The following RARB variants were observed in gnomAD, a reference collection of about 807,000 sequenced individuals.
RARB encodes retinoic acid receptor beta, also known as HBV-activated protein.
In RARB, 17 loss-of-function variants were observed where a neutral mutation model predicts 51.9. The ratio of observed to expected loss-of-function variants is 0.33; its 90% CI spans 0.22 to 0.49. RARB has a LOEUF of 0.49. Among genes scored for constraint, RARB ranks in the 20% least tolerant of loss-of-function variants. RARB has a pLI of 0.99. For missense variants in RARB, 369 were observed against 550.8 expected (o/e 0.67, Z 3.30); for synonymous variants, 215 against 195.4 (o/e 1.10, Z -0.84).
At chr3:24,844,607 C>T (rs186552797) in intron 1 of RARB, among the ~76,000 whole-genome samples, 1 of 152,304 alleles carries the variant, frequency 6.6e-6, no homozygotes, top group East Asian at 1.9e-4. Flanking sequence ...AACAAAACTG[C>T]AGGCCCTTGA....
At chr3:24,953,034 T>TG (rs1695932288) in intron 2 of RARB, among the ~76,000 whole-genome samples, 1 of 152,162 alleles carries the variant, frequency 6.6e-6, no homozygotes, top group Non-Finnish European at 1.5e-5. Context: ...ACCCTTTGCT[T>TG]GTTTAGTATT....
At chr3:25,093,732 A>G (rs4256093) in intron 3 of RARB, among the ~76,000 whole-genome samples, 3,249 of 152,072 alleles carry the variant, frequency 0.021, 145 homozygotes, top group Admixed American at 0.11. Flanking sequence ...CATGATGACC[A>G]TAGCTCCACC....
intron 5 of RARB, among the ~76,000 whole-genome samples, chr3:25,292,037 C>T: frequency 6.8e-6 from 1 of 147,604 alleles, no homozygotes; most frequent in African/African-American, 2.4e-5. Context: ...GGTAGTGAGT[C>T]TTCCTCCCAC....
chr3:25,401,644 T>A (rs1332702862), intron 5 of RARB, among the ~76,000 whole-genome samples: 1 of 152,238 alleles, frequency 6.6e-6, no homozygotes, highest in Non-Finnish European at 1.5e-5. Flanking sequence ...TTAGGCTTAG[T>A]AGCAGATTGG....
chr3:25,084,275 C>G (rs1699063760), intron 3 of RARB, among the ~76,000 whole-genome samples: 1 of 152,192 alleles, frequency 6.6e-6, no homozygotes, highest in Admixed American at 6.5e-5. Flanking sequence ...AAACAACTCT[C>G]TCATGTGTTT....
intron 3 of RARB, among the ~76,000 whole-genome samples, chr3:25,073,590 C>T (rs190253825): frequency 1.2e-3 from 176 of 152,330 alleles, no homozygotes; most frequent in Non-Finnish European, 2.0e-3. Context: ...TTCTCAAACT[C>T]ATCTGACCCT....
At chr3:25,314,818 A>G (rs1704381711) in intron 5 of RARB, among the ~76,000 whole-genome samples, 1 of 152,158 alleles carries the variant, frequency 6.6e-6, no homozygotes, top group African/African-American at 2.4e-5. Flanking sequence ...CGTAGTACCC[A>G]GTAATTTTTC....
chr3:25,296,638 C>T (rs897100186), intron 5 of RARB, among the ~76,000 whole-genome samples: 2 of 152,118 alleles, frequency 1.3e-5, no homozygotes, highest in Non-Finnish European at 2.9e-5. Context: ...ATCTGGATTA[C>T]TGGAGGGGGA....
At chr3:25,294,225 G>C (rs1331550718) in intron 5 of RARB, among the ~76,000 whole-genome samples, 1 of 152,140 alleles carries the variant, frequency 6.6e-6, no homozygotes, top group Non-Finnish European at 1.5e-5. Context: ...CATTCGTTAA[G>C]AATTAAGTTT....
At chr3:25,186,143 C>T (rs1460275042) in intron 5 of RARB, among the ~76,000 whole-genome samples, 1 of 151,782 alleles carries the variant, frequency 6.6e-6, no homozygotes, top group Non-Finnish European at 1.5e-5. Flanking sequence ...AAAGACAACC[C>T]CAACGAAAAA....
intron 2 of RARB, among the ~76,000 whole-genome samples, chr3:24,970,094 G>A (rs1696361842): frequency 6.6e-6 from 1 of 152,012 alleles, no homozygotes; most frequent in Admixed American, 6.6e-5. Flanking sequence ...ACTCAACTTT[G>A]TTTTTGTAGG....
Position 25,543,962 on chromosome 3 carries a change from A to G in RARB, c.449-25796A>G, listed in dbSNP as rs1427362094. ...TTAAAGAGTAATGAAAAATGTGTGT[A>G]ATCATGATGTATAAAGATGTTCATT... On this transcript the variant is annotated intron_variant, in intron 3 of 7. Transcript: ENST00000330688. Among the ~76,000 whole-genome samples, 2 of 152,232 alleles carry G rather than the reference A, an allele frequency of 1.3e-5. 1 individual carries two copies. Among genetic ancestry groups the G allele is most frequent in the Admixed American group, 1.3e-4 (2 of 15,292 alleles).
rs145747380 is a variant in RARB at position 25,266,742 on chromosome 3, G to A, written c.178+92167G>A. Among the ~76,000 whole-genome samples the A allele has an allele frequency of 1.8e-3, 272 of 152,244 alleles. 1 individual carries two copies. The highest frequency in any genetic ancestry group is 6.3e-3 in the African/African-American group (263 of 41,546). Reference sequence around the variant, plus strand: ...GCTGGAGACTTATCTGATAGAACTGGTGTCCTTTTAAAAGAGACAGAGACA... The same window carrying A: ...GCTGGAGACTTATCTGATAGAACTGATGTCCTTTTAAAAGAGACAGAGACA... On this transcript the variant is annotated intron_variant, in intron 5 of 11. Transcript: ENST00000383772.
At chr3:25,033,656 A>C (rs191561068) in intron 2 of RARB, among the ~76,000 whole-genome samples, 48 of 152,220 alleles carry the variant, frequency 3.2e-4, no homozygotes, top group African/African-American at 1.1e-3. Context: ...CCCACATCCA[A>C]ACATGAAGAT....
intron 5 of RARB, among the ~76,000 whole-genome samples, chr3:25,395,103 G>T (rs1177035016): frequency 6.6e-6 from 1 of 152,190 alleles, no homozygotes; most frequent in African/African-American, 2.4e-5. Flanking sequence ...TGTCTTGGCA[G>T]TGGTGAATTG....
At chr3:24,903,295 C>T (rs1180729246) in intron 2 of RARB, among the ~76,000 whole-genome samples, 4 of 151,896 alleles carry the variant, frequency 2.6e-5, no homozygotes, top group Admixed American at 2.6e-4. Flanking sequence ...TTAAGACAAA[C>T]TTCTATGTGA....
At chr3:25,076,649 T>C (rs1311524934) in intron 3 of RARB, among the ~76,000 whole-genome samples, 1 of 152,232 alleles carries the variant, frequency 6.6e-6, no homozygotes, top group Non-Finnish European at 1.5e-5. Context: ...TGAGTAAGTC[T>C]TATGATTAAG....
chr3:25,512,722 T>A (rs747109307), intron 3 of RARB, among the ~76,000 whole-genome samples: 16 of 151,872 alleles, frequency 1.1e-4, no homozygotes, highest in Non-Finnish European at 2.2e-4. Flanking sequence ...CAGCAAGGAG[T>A]GTGTGTGGGT....
At chr3:25,562,989 C>A (rs1278911521) in intron 3 of RARB, among the ~76,000 whole-genome samples, 1 of 152,176 alleles carries the variant, frequency 6.6e-6, no homozygotes, top group East Asian at 1.9e-4. Context: ...TCTATAACTT[C>A]TTTGAATAAT....
Sources: allele counts gnomAD v4.1 joint callset (sites outside exome capture counted in the v4.1 genomes callset), GRCh38; gene constraint gnomAD v4.1.1; transcripts MANE v1.5; gene names NCBI Gene and HGNC (gene_info 2026-07-23, HGNC 2026-07-21).